Variants in FGF12 observed in about 807,000 individuals in gnomAD.
The protein encoded by FGF12 is fibroblast growth factor 12B.
In FGF12, 14 loss-of-function variants were observed where a neutral mutation model predicts 23.6. The ratio of observed to expected loss-of-function variants is 0.59; its 90% CI spans 0.39 to 0.93. The LOEUF (loss-of-function observed/expected upper bound fraction) is 0.93, where lower values mean the gene tolerates loss of function less well. Among genes scored for constraint, FGF12 ranks in the 40% least tolerant of loss-of-function variants. The pLI is 0.00. For missense variants in FGF12, 175 were observed against 217.8 expected, an observed-to-expected ratio of 0.80 and a Z score of 1.24; for synonymous variants, 62 against 77.3, an observed-to-expected ratio of 0.80 and a Z score of 1.04.
intron 4 of FGF12, among the ~76,000 whole-genome samples, chr3:192,208,971 A>G (rs990502436): frequency 7.9e-5 from 12 of 152,200 alleles, no homozygotes; most frequent in African/African-American, 2.9e-4. Context: ...GAAACTGACA[A>G]CTGTCTTTCA....
At chr3:192,687,953 C>T (rs908398729) in intron 2 of FGF12, among the ~76,000 whole-genome samples, 2 of 152,042 alleles carry the variant, frequency 1.3e-5, no homozygotes, top group African/African-American at 4.8e-5. Context: ...TGCCACTGAC[C>T]TTGGCTGCCA....
chr3:192,227,996 T>C (rs1560200383), intron 4 of FGF12, among the ~76,000 whole-genome samples: 4 of 152,056 alleles, frequency 2.6e-5, no homozygotes, highest in African/African-American at 9.7e-5. Context: ...AGATAAGTCA[T>C]GGGGGGATGA....
intron 2 of FGF12, among the ~76,000 whole-genome samples, chr3:192,694,566 CATACATATATATACATATACGTACATAT>C (rs1389773081): frequency 4.0e-5 from 6 of 151,758 alleles, no homozygotes; most frequent in Non-Finnish European, 5.9e-5. Context: ...CATATATACA[CATACATATATATACATATACGTACATAT>C]ATACATATAT....
In FGF12 at chr3:192,658,108, T is replaced by C. The variant is rs571294893; in HGVS notation, c.13+69073A>G. 3.9e-5 allele frequency among the ~76,000 whole-genome samples: 6 copies of C among 152,144 alleles called. No homozygotes were observed. The East Asian group carries it at 1.2e-3, about 29-fold the overall frequency. ...AAGTTTAACTAGGACAAAAATACAA[T>C]AGGACACATCAGTGATTCTTGAAAA... On this transcript the variant is annotated intron_variant, in intron 2 of 5. Coordinates refer to ENST00000445105, the MANE Select transcript of FGF12 (RefSeq NM_004113.6).
chr3:192,711,994 A>G (rs893393162), intron 2 of FGF12, among the ~76,000 whole-genome samples: 1 of 151,614 alleles, frequency 6.6e-6, no homozygotes, highest in African/African-American at 2.4e-5. Context: ...GCAAAGTATT[A>G]GAAAATATCG....
In FGF12 at chr3:192,281,205, C is replaced by G. The variant is rs114106022; in HGVS notation, c.228+54156G>C. Among the ~76,000 whole-genome samples the G allele has an allele frequency of 2.8e-3, 427 of 152,284 alleles. 1 individual carries two copies. The highest frequency in any genetic ancestry group is 0.01 in the African/African-American group (416 of 41,578). On this transcript the variant is annotated intron_variant, in intron 4 of 5. Transcript: ENST00000445105. ...AAACGTCAGCAAGGCCATCTTCCCT[C>G]TGAATCCTCTAGGGAAGAATCCTAG...
intron 2 of FGF12, among the ~76,000 whole-genome samples, chr3:192,686,987 A>G (rs1216834625): frequency 6.7e-6 from 1 of 150,064 alleles, no homozygotes; most frequent in East Asian, 1.9e-4. Flanking sequence ...CGCCACCACA[A>G]CTGGATAATT....
intron 4 of FGF12, among the ~76,000 whole-genome samples, chr3:192,328,260 G>A (rs139936323): frequency 3.3e-3 from 500 of 152,290 alleles, no homozygotes; most frequent in Middle Eastern, 0.01. Flanking sequence ...GAGAGCCTTC[G>A]GCTAAATAGA....
rs547270463 is a variant in FGF12, at chr3:192,179,465, G to T, written c.229-8809C>A. Among the ~76,000 whole-genome samples the T allele has an allele frequency of 2.4e-3, 356 of 151,372 alleles. 3 individuals are homozygous for T. Among genetic ancestry groups the T allele is most frequent in the African/African-American group, 8.3e-3 (339 of 40,986 alleles). On this transcript the variant is annotated intron_variant, in intron 4 of 5. Transcript: ENST00000445105. ...CTCAATACTCAAACCCTTGATTTTTGACCTTGAGCAAGTTACTTAATTTCT... is the reference window on the plus strand; with the variant it reads ...CTCAATACTCAAACCCTTGATTTTTTACCTTGAGCAAGTTACTTAATTTCT...
chr3:192,359,608 G>A (rs2108731578), intron 3 of FGF12, among the ~76,000 whole-genome samples: 1 of 152,258 alleles, frequency 6.6e-6, no homozygotes, highest in South Asian at 2.1e-4. Context: ...GAATTTGAAA[G>A]ATATGACAGC....
intron 2 of FGF12, among the ~76,000 whole-genome samples, chr3:192,558,074 A>C (rs1443363893): frequency 6.6e-6 from 1 of 151,894 alleles, no homozygotes; most frequent in Non-Finnish European, 1.5e-5. Flanking sequence ...TCTTAGCTAG[A>C]GTAATTAGGT....
intron 4 of FGF12, among the ~76,000 whole-genome samples, chr3:192,319,248 T>C (rs1716401187): frequency 6.6e-6 from 1 of 152,162 alleles, no homozygotes; most frequent in Admixed American, 6.5e-5. Flanking sequence ...GTAATTGTGG[T>C]GTATAAACTA....
At chr3:192,515,387 C>G (rs1389745135) in intron 2 of FGF12, 2 of 152,856 alleles carry the variant, frequency 1.3e-5, no homozygotes, top group African/African-American at 4.8e-5. Context: ...GAGGCGGGGA[C>G]GTGGAATAAA....
chr3:192,181,460 C>T (rs901329007), intron 4 of FGF12, among the ~76,000 whole-genome samples: 1 of 151,856 alleles, frequency 6.6e-6, no homozygotes, highest in Non-Finnish European at 1.5e-5. Context: ...AAAACACACA[C>T]CTGTATCAGC....
intron 2 of FGF12, among the ~76,000 whole-genome samples, chr3:192,725,127 T>G (rs1201737765): frequency 1.3e-5 from 2 of 152,184 alleles, no homozygotes; most frequent in Non-Finnish European, 2.9e-5. Context: ...GAATAAAAAT[T>G]TCAAGTTAGC....
chr3:192,305,695 T>TATATATATATATATATATAA (rs1299668639), intron 4 of FGF12, among the ~76,000 whole-genome samples: 1 of 144,784 alleles, frequency 6.9e-6, no homozygotes, highest in African/African-American at 2.5e-5. Context: ...TATATATATA[T>TATATATATATATATATATAA]AAATATATAT....
intron 4 of FGF12, among the ~76,000 whole-genome samples, chr3:192,197,987 C>T (rs531521079): frequency 1.5e-4 from 23 of 149,138 alleles, no homozygotes; most frequent in South Asian, 8.5e-4. Context: ...CCGGGGGTCC[C>T]GAGTGCCAAA....
At chr3:192,656,278 AAGACAC>A (rs1716413882) in intron 2 of FGF12, among the ~76,000 whole-genome samples, 1 of 95,952 alleles carries the variant, frequency 1.0e-5, no homozygotes, top group Non-Finnish European at 2.0e-5. Context: ...ATAAGGTGAA[AAGACAC>A]ACACACACAC....
At chr3:192,170,372 A>AACTC in intron 5 of FGF12, 86 bp downstream of exon 5, 1 of 1,073,490 alleles carries the variant, frequency 9.3e-7, no homozygotes, top group Non-Finnish European at 1.4e-6. Context: ...ATTCCAGGCA[A>AACTC]ACTCTCTGGA....
Sources: gnomAD v4.1 joint callset for allele counts (sites outside exome capture counted in the v4.1 genomes callset) on GRCh38, gnomAD v4.1.1 for gene constraint, MANE v1.5 for transcripts, NCBI Gene and HGNC (gene_info 2026-07-23, HGNC 2026-07-21) for gene names.